TIMP3: variants seen among roughly 807,000 people sequenced by gnomAD.
TIMP3 encodes the protein metalloproteinase inhibitor 3.
Under a neutral mutation model 30.0 loss-of-function variants are expected in TIMP3, and 11 were observed. That is an observed-to-expected ratio of 0.37 (90% CI 0.23 to 0.61). The LOEUF (loss-of-function observed/expected upper bound fraction) is 0.61, where lower values mean the gene tolerates loss of function less well. Among genes scored for constraint, TIMP3 ranks in the 20% least tolerant of loss-of-function variants. The pLI is 0.70. For synonymous variants in TIMP3, 112 were observed against 111.3 expected (o/e 1.01, Z -0.04); for missense variants, 181 against 276.8 (o/e 0.65, Z 2.45).
chr22:32,844,048 ACTCC>A (rs1362510646), intron 1 of TIMP3, among the ~76,000 whole-genome samples: 3 of 151,924 alleles, frequency 2.0e-5, no homozygotes, highest in Non-Finnish European at 2.9e-5. Context: ...TGGAACCTGG[ACTCC>A]TAAGTTAGTA....
intron 1 of TIMP3, among the ~76,000 whole-genome samples, chr22:32,809,869 A>C (rs1381684017): frequency 2.0e-5 from 3 of 152,058 alleles, no homozygotes; most frequent in African/African-American, 7.2e-5. Flanking sequence ...CCTCCTGAGA[A>C]TCTTTAGTTT....
chr22:32,819,959 T>C (rs141029447), intron 1 of TIMP3, among the ~76,000 whole-genome samples: 2 of 152,284 alleles, frequency 1.3e-5, no homozygotes, highest in African/African-American at 4.8e-5. Flanking sequence ...ACCACATGGC[T>C]TCCTGGGAAA....
Position 32,829,788 on chromosome 22 carries a change from G to A in TIMP3, c.122-19664G>A, listed in dbSNP as rs5998643. On this transcript the variant is annotated intron_variant, in intron 1 of 4. Transcript: ENST00000266085. ...CCCACACCCACAGCTCCTCCAGAAG[G>A]AAGGTTTGTCAGCGGGCTTCACCAT... Among the ~76,000 whole-genome samples the A allele has an allele frequency of 8.2e-4, 125 of 152,340 alleles. 1 individual carries two copies. The highest frequency in any genetic ancestry group is 2.6e-3 in the African/African-American group (108 of 41,574).
At chr22:32,843,711 C>G (rs774769744) in intron 1 of TIMP3, among the ~76,000 whole-genome samples, 18 of 152,298 alleles carry the variant, frequency 1.2e-4, no homozygotes, top group Non-Finnish European at 2.6e-4. Flanking sequence ...GCCCATGGTC[C>G]AGGCTTTTCT....
At chr22:32,857,651 C>T (rs986405386) in intron 3 of TIMP3, among the ~76,000 whole-genome samples, 4 of 152,212 alleles carry the variant, frequency 2.6e-5, no homozygotes, top group South Asian at 2.1e-4. Context: ...CCACCTCACA[C>T]TCGACCTGTT....
At chr22:32,808,571 C>A (rs567899842) in intron 1 of TIMP3, among the ~76,000 whole-genome samples, 1 of 152,270 alleles carries the variant, frequency 6.6e-6, no homozygotes, top group Admixed American at 6.5e-5. Flanking sequence ...CCAGTGTGGA[C>A]CCTGCCTACC....
intron 1 of TIMP3, among the ~76,000 whole-genome samples, chr22:32,842,668 T>A (rs996689450): frequency 1.3e-5 from 2 of 152,230 alleles, no homozygotes; most frequent in Admixed American, 1.3e-4. Flanking sequence ...TCAATCTAAT[T>A]AACTTCAAAC....
Position 32,859,686 on chromosome 22 carries a change from AAAAC to A in TIMP3, c.*313_*316del. 1 of 361,858 alleles carries A rather than the reference AAAAC, an allele frequency of 2.8e-6. No individual in the cohort carries two copies. Among genetic ancestry groups the A allele is most frequent in the Non-Finnish European group, 5.0e-6 (1 of 199,890 alleles). 22.4% of individuals were successfully genotyped at this position (361,858 alleles called of 1,614,324 possible). A position where few individuals can be genotyped will look rare whatever the true frequency, so the allele number is the denominator to read the frequency against. On this transcript the variant is annotated 3_prime_UTR_variant, in exon 5 of 5. Coordinates refer to ENST00000266085, the MANE Select transcript of TIMP3 (RefSeq NM_000362.5). ...ATAATATAATCTCTATTTTTTTAGG[AAAAC>A]AAAAATGAAAAACTACTCCATTTGA...
At chr22:32,805,897 C>A (rs1252288182) in intron 1 of TIMP3, among the ~76,000 whole-genome samples, 1 of 151,742 alleles carries the variant, frequency 6.6e-6, no homozygotes, top group Non-Finnish European at 1.5e-5. Flanking sequence ...ATGAAGATAG[C>A]CAAAATGGCC....
chr22:32,812,338 T>C (rs1255023598), intron 1 of TIMP3, among the ~76,000 whole-genome samples: 2 of 152,216 alleles, frequency 1.3e-5, no homozygotes, highest in Admixed American at 6.5e-5. Flanking sequence ...ATGCGGGCTC[T>C]GAACAAAACC....
chr22:32,853,448 T>C (rs2048279768), intron 2 of TIMP3, among the ~76,000 whole-genome samples: 1 of 152,224 alleles, frequency 6.6e-6, no homozygotes, highest in Non-Finnish European at 1.5e-5. Context: ...GCTGTCAATG[T>C]AGAGTGAAGG....
intron 1 of TIMP3, 77 bp from the exon 2 acceptor site, chr22:32,849,375 C>G: frequency 2.3e-6 from 3 of 1,278,006 alleles, no homozygotes; most frequent in East Asian, 2.5e-5. Context: ...CAGAGGCTAG[C>G]GTGCCCGCCC....
At chr22:32,852,743 G>C (rs1342976755) in intron 2 of TIMP3, among the ~76,000 whole-genome samples, 5 of 152,032 alleles carry the variant, frequency 3.3e-5, no homozygotes, top group Non-Finnish European at 7.4e-5. Context: ...CGATATGTGT[G>C]TGTGTGTGAG....
At position 32,809,845 on chromosome 22, in the gene TIMP3, C is replaced by T. The variant is rs996760975; in HGVS notation, c.121+7723C>T. Among the ~76,000 whole-genome samples, 11 of 152,154 alleles carry T rather than the reference C, an allele frequency of 7.2e-5. No homozygotes were observed. The East Asian group carries it at 7.7e-4, about 11-fold the overall frequency. On this transcript the variant is annotated intron_variant, in intron 1 of 4. Coordinates refer to ENST00000266085, the MANE Select transcript of TIMP3 (RefSeq NM_000362.5). ...ATAGCTCCTGGCTTCTTTGGTATATCGCTGTCCTTTGCCCCTCCTGAGAAT... is the reference window on the plus strand; with the variant it reads ...ATAGCTCCTGGCTTCTTTGGTATATTGCTGTCCTTTGCCCCTCCTGAGAAT...
At chr22:32,831,019 GAC>G (rs1316765115) in intron 1 of TIMP3, among the ~76,000 whole-genome samples, 1 of 152,162 alleles carries the variant, frequency 6.6e-6, no homozygotes, top group East Asian at 1.9e-4. Context: ...TAAAAATATT[GAC>G]AGAGTGAAAA....
At chr22:32,821,937 C>G (rs914129353) in intron 1 of TIMP3, among the ~76,000 whole-genome samples, 1 of 152,134 alleles carries the variant, frequency 6.6e-6, no homozygotes, top group Non-Finnish European at 1.5e-5. Flanking sequence ...AGGCGGATCA[C>G]CTGAGGTCGG....
At position 32,802,053 on chromosome 22, in the gene TIMP3, G is replaced by T. The variant is rs1324470172; in HGVS notation, c.52G>T (p.Asp18Tyr). The stretch of plus-strand genomic sequence containing the variant: ...GCTCCTGGGCAGCTGGAGCCTGGGG[G>T]ACTGGGGCGCCGAGGCGTGCACATG... ...IVLLGSWSLG[D>Y]WGAEACTCSP... The change falls in exon 1 of 5, where the codon GAC (aspartate) becomes TAC (tyrosine). Residue 18 changes from aspartate to tyrosine, a missense_variant. Physicochemically the swap from Asp to Tyr is radical, Grantham distance 160. Coordinates refer to ENST00000266085, the MANE Select transcript of TIMP3 (RefSeq NM_000362.5). 7 of 1,577,050 alleles carry T rather than the reference G, an allele frequency of 4.4e-6. No individual in the cohort carries two copies. The highest frequency in any genetic ancestry group is 3.3e-4 in the Middle Eastern group (2 of 6,028).
chr22:32,801,997 C>A lies in TIMP3; in HGVS notation c.-5C>A. ...GCAGCCCCGGCAGCGGCGGCAGCAG[C>A]GGCAATGACCCCTTGGCTCGGGCTC... On this transcript the variant is annotated 5_prime_UTR_variant, in exon 1 of 5. Coordinates refer to ENST00000266085, the MANE Select transcript of TIMP3 (RefSeq NM_000362.5). This position sits in a 1 kb window ranked among gnomAD's most constrained non-coding sequence, Gnocchi z 4.7. 1 of 1,584,282 alleles carries A rather than the reference C, an allele frequency of 6.3e-7. No individual in the cohort carries two copies. Among genetic ancestry groups the A allele is most frequent in the Non-Finnish European group, 8.5e-7 (1 of 1,171,566 alleles).
chr22:32,846,215 G>C (rs2048058160), intron 1 of TIMP3, among the ~76,000 whole-genome samples: 1 of 152,192 alleles, frequency 6.6e-6, no homozygotes, highest in Admixed American at 6.5e-5. Context: ...TGGGTGATAA[G>C]GTGGGATGGG....
Sources: allele counts gnomAD v4.1 joint callset (sites outside exome capture counted in the v4.1 genomes callset), GRCh38; gene constraint gnomAD v4.1.1; non-coding constraint Gnocchi (gnomAD v3.1); transcripts MANE v1.5; gene names NCBI Gene and HGNC (gene_info 2026-07-23, HGNC 2026-07-21).